Variants in CEP120 observed in about 807,000 individuals in gnomAD.
CEP120 encodes the protein centrosomal protein of 120 kDa.
In CEP120, 113 loss-of-function variants were observed where a neutral mutation model predicts 126.5. The observed-to-expected ratio is 0.89, with a 90% CI of 0.77 to 1.04. The LOEUF (loss-of-function observed/expected upper bound fraction) is 1.04, where lower values mean the gene tolerates loss of function less well. Ranked by LOEUF, CEP120 falls within the 50% of genes least tolerant of loss-of-function variation. The probability of loss-of-function intolerance (pLI) is 0.00; values close to 1 mark genes in which losing one functional copy is unlikely to be tolerated. For synonymous variants in CEP120, 400 were observed against 394.3 expected (o/e 1.01, Z -0.17); for missense variants, 1,230 against 1,155.7 (o/e 1.06, Z -0.93).
chr5:123,385,566 C>G (rs1398919864), intron 10 of CEP120, among the ~76,000 whole-genome samples: 2 of 151,480 alleles, frequency 1.3e-5, no homozygotes, highest in African/African-American at 4.9e-5. Context: ...ATAGAATTAT[C>G]TAATAATGCA....
In CEP120 at chr5:123,419,722, A is replaced by T. The variant is rs189015476; in HGVS notation, c.50-1207T>A. On this transcript the variant is annotated intron_variant, in intron 1 of 19. Transcript: ENST00000306467. The stretch of plus-strand genomic sequence containing the variant: ...GCCAAACCCCATTTCATCAATGTTT[A>T]CTGAAGACATATTCAGAGTCAGGTA... 9.2e-5 allele frequency among the ~76,000 whole-genome samples: 14 copies of T among 152,310 alleles called. No homozygotes were observed. The South Asian group carries it at 1.0e-3, about 11-fold the overall frequency.
rs747691256 is a variant in CEP120 at position 123,382,176 on chromosome 5, T to C, written c.2038A>G (p.Met680Val). The C allele has an allele frequency of 6.2e-7, 1 of 1,609,552 alleles. No individual in the cohort carries two copies. Among genetic ancestry groups the C allele is most frequent in the Non-Finnish European group, 8.5e-7 (1 of 1,177,980 alleles). ...NQLKQKELAH[M>V]QALAEEWKKR... is the part of the protein sequence containing the mutation. ...TTCCATTCCTCTGCAAGAGCCTGCA[T>C]ATGAGCCAGTTCTTTCTGCTTCAGC... The change falls in exon 14 of 20, where the codon ATG becomes GTG. Residue 680 changes from methionine (M) to valine (V), a missense_variant. Met to Val is a conservative substitution (Grantham distance 21). Coordinates refer to ENST00000306467, the MANE Select transcript of CEP120 (RefSeq NM_001375405.1).
At chr5:123,371,504 G>C (rs1770852608) in intron 17 of CEP120, among the ~76,000 whole-genome samples, 1 of 151,954 alleles carries the variant, frequency 6.6e-6, no homozygotes, top group Non-Finnish European at 1.5e-5. Context: ...CAACATCTGG[G>C]AATTATGGGA....
chr5:123,351,262 GAACTT>G (rs1429405997), intron 18 of CEP120, among the ~76,000 whole-genome samples: 1 of 152,042 alleles, frequency 6.6e-6, no homozygotes, highest in African/African-American at 2.4e-5. Flanking sequence ...AATAAGTTTT[GAACTT>G]AACACAGAAT....
At chr5:123,364,466 T>C (rs1395204463) in intron 18 of CEP120, 30 bp downstream of exon 18, 2 of 1,433,302 alleles carry the variant, frequency 1.4e-6, no homozygotes, top group Non-Finnish European at 9.6e-7. Flanking sequence ...GGGAAAAAGA[T>C]ATAAAAAGAA....
intron 8 of CEP120, 142 bp downstream of exon 8, chr5:123,389,782 G>A (rs1447230601): frequency 1.4e-6 from 1 of 701,842 alleles, no homozygotes; most frequent in Non-Finnish European, 2.4e-6. Flanking sequence ...TTACAGGCGT[G>A]AGCCACCGTG....
chr5:123,353,831 C>T (rs1769376238), intron 18 of CEP120, among the ~76,000 whole-genome samples: 1 of 151,908 alleles, frequency 6.6e-6, no homozygotes, highest in Admixed American at 6.6e-5. Context: ...TGGGTAGTTA[C>T]TGTCTATTCT....
intron 5 of CEP120, 105 bp from the exon 6 acceptor site, chr5:123,393,602 T>A: frequency 1.1e-6 from 1 of 912,522 alleles, no homozygotes; most frequent in Non-Finnish European, 1.6e-6. Context: ...GTTTTTTTAT[T>A]TGATGTCTTA....
chr5:123,381,170 A>G (rs1193345502), intron 14 of CEP120, among the ~76,000 whole-genome samples: 81 of 152,156 alleles, frequency 5.3e-4, no homozygotes, highest in Admixed American at 5.3e-3. Flanking sequence ...ATTGGGCAAC[A>G]GGCAGCACAG....
At chr5:123,406,808 A>C (rs1171724418) in intron 4 of CEP120, among the ~76,000 whole-genome samples, 1 of 152,052 alleles carries the variant, frequency 6.6e-6, no homozygotes, top group Non-Finnish European at 1.5e-5. Context: ...AATAAATGAA[A>C]GTAAAATAAA....
At chr5:123,419,863 A>G (rs1286461767) in intron 1 of CEP120, among the ~76,000 whole-genome samples, 1 of 152,236 alleles carries the variant, frequency 6.6e-6, no homozygotes, top group Non-Finnish European at 1.5e-5. Flanking sequence ...GCTAAAGAAC[A>G]TCAACGAAGA....
intron 4 of CEP120, among the ~76,000 whole-genome samples, chr5:123,407,800 A>G (rs1356362119): frequency 6.6e-6 from 1 of 152,232 alleles, no homozygotes; most frequent in East Asian, 1.9e-4. Context: ...AAGTTCACCA[A>G]GACAGAGCAA....
chr5:123,391,380 T>C (rs1394561049), intron 6 of CEP120, 43 bp from the exon 7 acceptor site: 1 of 1,388,366 alleles, frequency 7.2e-7, no homozygotes, highest in East Asian at 2.3e-5. Context: ...TTATACTTTC[T>C]CCTTTCTCCT....
chr5:123,414,484 A>C (rs1232885743), intron 3 of CEP120, among the ~76,000 whole-genome samples: 1 of 152,214 alleles, frequency 6.6e-6, no homozygotes, highest in East Asian at 1.9e-4. Flanking sequence ...GTAAAAGATA[A>C]GTTTTTCTTC....
At chr5:123,416,636 A>C (rs919080985) in intron 2 of CEP120, among the ~76,000 whole-genome samples, 2 of 152,090 alleles carry the variant, frequency 1.3e-5, no homozygotes, top group Admixed American at 1.3e-4. Context: ...ATATCTACTA[A>C]CCTCTACACC....
intron 5 of CEP120, among the ~76,000 whole-genome samples, chr5:123,394,526 T>C (rs955426001): frequency 1.3e-5 from 2 of 152,160 alleles, no homozygotes; most frequent in Non-Finnish European, 2.9e-5. Context: ...CACCTCCTGC[T>C]GTGTAGCCGG....
At chr5:123,388,396 C>T in intron 9 of CEP120, 36 bp downstream of exon 9, 2 of 1,390,938 alleles carry the variant, frequency 1.4e-6, no homozygotes, top group South Asian at 1.7e-5. Flanking sequence ...CCTTTCTCTT[C>T]AGAAAATAAT....
intron 4 of CEP120, chr5:123,403,714 G>C (rs760178063): frequency 2.4e-6 from 1 of 423,584 alleles, no homozygotes; most frequent in Non-Finnish European, 4.6e-6. Context: ...GCAATGGGAA[G>C]AACGTGGCAT....
In CEP120 at chr5:123,364,684, A is replaced by G. The variant is rs141416038; in HGVS notation, c.2482-90T>C. 252 of 638,234 alleles carry G rather than the reference A, an allele frequency of 3.9e-4. 3 individuals are homozygous for G. In the African/African-American group the frequency reaches 4.4e-3, roughly 11 times the overall value. 39.5% of individuals were successfully genotyped at this position (638,234 alleles called of 1,614,324 possible). A position where few individuals can be genotyped will look rare whatever the true frequency, so the allele number is the denominator to read the frequency against. ...ATATATACAAAGAGTCTGGCTTAAG[A>G]AAAGAGTTTATACAGTGTAACATAC... On this transcript the variant is annotated intron_variant, in intron 17 of 19. Coordinates refer to ENST00000306467, the MANE Select transcript of CEP120 (RefSeq NM_001375405.1).
Sources: gnomAD v4.1 joint callset for allele counts (sites outside exome capture counted in the v4.1 genomes callset) on GRCh38, gnomAD v4.1.1 for gene constraint, MANE v1.5 for transcripts, NCBI Gene and HGNC (gene_info 2026-07-23, HGNC 2026-07-21) for gene names.